Variants in MTHFS observed in about 807,000 individuals in gnomAD.
MTHFS encodes methenyltetrahydrofolate synthetase, also known as 5-formyltetrahydrofolate cyclo-ligase.
A neutral mutation model predicts 12.7 loss-of-function variants in MTHFS; 7 were observed. The ratio of observed to expected loss-of-function variants is 0.55; its 90% CI spans 0.31 to 1.03. The LOEUF is 1.03. MTHFS is among the 50% of genes least tolerant of loss of function. The pLI is 0.05. For synonymous variants in MTHFS, 100 were observed against 97.1 expected (o/e 1.03, Z -0.18); for missense variants, 252 against 258.1 (o/e 0.98, Z 0.16).
chr15:79,866,641 A>G (rs1443321040), intron 2 of MTHFS, among the ~76,000 whole-genome samples: 1 of 151,966 alleles, frequency 6.6e-6, no homozygotes, highest in African/African-American at 2.4e-5. Context: ...CTTCCAAAAC[A>G]TTTTTTTCTT....
intron 1 of MTHFS, among the ~76,000 whole-genome samples, chr15:79,894,779 C>A (rs2034537533): frequency 6.6e-6 from 1 of 152,214 alleles, no homozygotes; most frequent in African/African-American, 2.4e-5. Flanking sequence ...TCCTCCCCTT[C>A]CAGTATTCTC....
At chr15:79,859,432 A>G (rs2033869969) in intron 2 of MTHFS, among the ~76,000 whole-genome samples, 1 of 152,238 alleles carries the variant, frequency 6.6e-6, no homozygotes, top group Non-Finnish European at 1.5e-5. Flanking sequence ...ATACACACCC[A>G]AACATATATA....
intron 2 of MTHFS, chr15:79,877,590 A>G (rs992102124): frequency 6.6e-6 from 1 of 152,152 alleles, no homozygotes; most frequent in African/African-American, 2.4e-5. Flanking sequence ...AGTCCTAGCT[A>G]CTTGGGAGGC....
At chr15:79,873,870 A>T (rs1317199959) in intron 2 of MTHFS, among the ~76,000 whole-genome samples, 1 of 152,258 alleles carries the variant, frequency 6.6e-6, no homozygotes, top group African/African-American at 2.4e-5. Context: ...GTGTAAGAGC[A>T]TAATGGGAAT....
chr15:79,893,938 G>C (rs187099720), intron 1 of MTHFS, among the ~76,000 whole-genome samples: 1 of 151,920 alleles, frequency 6.6e-6, no homozygotes, highest in African/African-American at 2.4e-5. Flanking sequence ...GAATAAATAC[G>C]CTTTTCTAAA....
chr15:79,850,014 C>T (rs771248306), intron 2 of MTHFS, among the ~76,000 whole-genome samples: 1 of 152,254 alleles, frequency 6.6e-6, no homozygotes, highest in Non-Finnish European at 1.5e-5. Context: ...CATGGGCCCT[C>T]AGGCTATTTC....
intron 2 of MTHFS, among the ~76,000 whole-genome samples, chr15:79,872,651 T>A (rs896181818): frequency 6.6e-6 from 1 of 152,202 alleles, no homozygotes; most frequent in East Asian, 1.9e-4. Context: ...ATTTAGAACT[T>A]TCTACAAAAG....
chr15:79,893,851 A>C (rs1403440220), intron 1 of MTHFS, among the ~76,000 whole-genome samples: 1 of 152,242 alleles, frequency 6.6e-6, no homozygotes, highest in Non-Finnish European at 1.5e-5. Context: ...AAGATATGAC[A>C]TAAACCTGAA....
intron 2 of MTHFS, among the ~76,000 whole-genome samples, chr15:79,853,402 C>T (rs1245710261): frequency 1.3e-5 from 2 of 152,160 alleles, no homozygotes; most frequent in Non-Finnish European, 2.9e-5. Flanking sequence ...ACAACCATTA[C>T]TAGCTAAGAA....
intron 2 of MTHFS, among the ~76,000 whole-genome samples, chr15:79,865,023 G>A (rs2033985612): frequency 6.6e-6 from 1 of 152,124 alleles, no homozygotes; most frequent in Non-Finnish European, 1.5e-5. Context: ...ATTGTGATGT[G>A]TTTTCTCTTT....
chr15:79,882,092 T>C (rs2034305918), intron 2 of MTHFS, among the ~76,000 whole-genome samples: 1 of 152,250 alleles, frequency 6.6e-6, no homozygotes, highest in Admixed American at 6.5e-5. Context: ...AGTCATAACT[T>C]ATTTCAAAAG....
chr15:79,890,829 G>A (rs905693998), intron 1 of MTHFS, among the ~76,000 whole-genome samples: 52 of 152,138 alleles, frequency 3.4e-4, no homozygotes, highest in African/African-American at 1.2e-3. Context: ...GCCTGAAATG[G>A]GCAAAGAAAG....
At chr15:79,866,907 G>C (rs1315277049) in intron 2 of MTHFS, among the ~76,000 whole-genome samples, 1 of 152,184 alleles carries the variant, frequency 6.6e-6, no homozygotes, top group East Asian at 1.9e-4. Context: ...AGTGAGCTGA[G>C]ATCGTGCCAT....
intron 2 of MTHFS, among the ~76,000 whole-genome samples, chr15:79,850,391 T>C (rs979013799): frequency 6.6e-6 from 1 of 152,220 alleles, no homozygotes; most frequent in African/African-American, 2.4e-5. Context: ...TAGCACATTT[T>C]TCCTACAAAA....
At chr15:79,861,291 C>A (rs1430114076) in intron 2 of MTHFS, among the ~76,000 whole-genome samples, 1 of 152,176 alleles carries the variant, frequency 6.6e-6, no homozygotes, top group Non-Finnish European at 1.5e-5. Context: ...CTAACCACTC[C>A]TTATCCATCG....
intron 2 of MTHFS, among the ~76,000 whole-genome samples, chr15:79,852,487 C>A (rs1317637516): frequency 6.6e-6 from 1 of 152,112 alleles, no homozygotes; most frequent in African/African-American, 2.4e-5. Flanking sequence ...GTAAACATAC[C>A]TTCACTCTTT....
intron 2 of MTHFS, among the ~76,000 whole-genome samples, chr15:79,878,692 G>A (rs1045225952): frequency 1.3e-5 from 2 of 151,322 alleles, no homozygotes; most frequent in Non-Finnish European, 2.9e-5. Context: ...AAAACAAAGA[G>A]AAATTTGTTT....
At position 79,897,014 on chromosome 15, in the gene MTHFS, C is replaced by T. The variant is rs1326161266; in HGVS notation, c.-26G>A. On this transcript the variant is annotated 5_prime_UTR_variant, in exon 1 of 3. Coordinates refer to ENST00000258874, the MANE Select transcript of MTHFS (RefSeq NM_006441.4). Reference sequence around the variant, plus strand: ...CTCACGCCCAAGCCGAGTCCAGTCCCGCCCTCGGCGCCCTGGGCGCCCTCG... The same window carrying T: ...CTCACGCCCAAGCCGAGTCCAGTCCTGCCCTCGGCGCCCTGGGCGCCCTCG... 1.3e-6 allele frequency: 2 copies of T among 1,499,952 alleles called. No individual in the cohort carries two copies. Among genetic ancestry groups the T allele is most frequent in the East Asian group, 2.7e-5 (1 of 37,232 alleles). The allele number at this position is 1,499,952 out of a possible 1,614,324, so 92.9% of individuals were successfully genotyped here.
At chr15:79,845,833 A>G (rs554166101) in intron 2 of MTHFS, among the ~76,000 whole-genome samples, 1 of 152,270 alleles carries the variant, frequency 6.6e-6, no homozygotes, top group South Asian at 2.1e-4. Flanking sequence ...GGAAACAGTC[A>G]AGGAGGAGCC....
Sources: gnomAD v4.1 joint callset for allele counts (sites outside exome capture counted in the v4.1 genomes callset) on GRCh38, gnomAD v4.1.1 for gene constraint, MANE v1.5 for transcripts, NCBI Gene and HGNC (gene_info 2026-07-23, HGNC 2026-07-21) for gene names.